Variants in BAZ2B observed in about 807,000 individuals in gnomAD.
BAZ2B encodes the protein bromodomain adjacent to zinc finger domain 2B.
BAZ2B carries 91 observed loss-of-function variants against 246.0 expected under a neutral mutation model. The observed-to-expected ratio is 0.37, with a 90% CI of 0.31 to 0.44. The LOEUF is 0.44. Among genes scored for constraint, BAZ2B ranks in the 20% least tolerant of loss-of-function variants. The pLI is 1.00. For missense variants in BAZ2B, 2,332 were observed against 2,533.7 expected, an observed-to-expected ratio of 0.92 and a Z score of 1.71; for synonymous variants, 855 against 860.0, an observed-to-expected ratio of 0.99 and a Z score of 0.10.
chr2:159,387,975 T>C (rs2062835100), intron 21 of BAZ2B, among the ~76,000 whole-genome samples: 1 of 152,078 alleles, frequency 6.6e-6, no homozygotes, highest in Admixed American at 6.6e-5. Context: ...TATAGTTCAA[T>C]CCATTCTAGA....
chr2:159,552,301 G>A (rs2088378047), intron 2 of BAZ2B, among the ~76,000 whole-genome samples: 1 of 152,024 alleles, frequency 6.6e-6, no homozygotes, highest in Non-Finnish European at 1.5e-5. Flanking sequence ...ACATAATGTA[G>A]AAATCTATTT....
the BAZ2B span, among the ~76,000 whole-genome samples, chr2:159,707,795 C>G: frequency 3.3e-5 from 5 of 152,130 alleles, no homozygotes; most frequent in East Asian, 9.7e-4. Context: ...CTATTGCACT[C>G]CAGCCTGGGC....
chr2:159,547,911 T>C (rs1294688035), intron 2 of BAZ2B, among the ~76,000 whole-genome samples: 2 of 152,194 alleles, frequency 1.3e-5, no homozygotes, highest in East Asian at 1.9e-4. Context: ...TAAACTTATA[T>C]CTGTGCAGCA....
intron 3 of BAZ2B, among the ~76,000 whole-genome samples, chr2:159,478,052 C>T (rs555336066): frequency 3.3e-5 from 5 of 152,322 alleles, no homozygotes; most frequent in African/African-American, 1.2e-4. Context: ...GAACTCCTGA[C>T]CGCAGCTTCC....
intron 31 of BAZ2B, among the ~76,000 whole-genome samples, chr2:159,344,938 A>G (rs987429749): frequency 6.6e-6 from 1 of 152,102 alleles, no homozygotes; most frequent in Admixed American, 6.5e-5. Context: ...GGCTGGGCGC[A>G]GTGGCTCACA....
At chr2:159,617,478 T>C (rs549652478), upstream of BAZ2B, among the ~76,000 whole-genome samples, 24 of 152,276 alleles carry the variant, frequency 1.6e-4, no homozygotes, top group South Asian at 4.1e-3. Context: ...ACGTATTTTT[T>C]TTTTTAGAAG....
chr2:159,528,679 C>T, intron 2 of BAZ2B, among the ~76,000 whole-genome samples: 1 of 137,734 alleles, frequency 7.3e-6, no homozygotes, highest in Admixed American at 7.3e-5. Context: ...GAAACTCTGT[C>T]TCAAAAAAAA....
At chr2:159,415,190 T>C (rs966407162) in intron 13 of BAZ2B, among the ~76,000 whole-genome samples, 2 of 152,112 alleles carry the variant, frequency 1.3e-5, no homozygotes, top group African/African-American at 2.4e-5. Context: ...CTCATGCCTA[T>C]AACACCAGCA....
intron 2 of BAZ2B, among the ~76,000 whole-genome samples, chr2:159,517,343 GA>G (rs2083539477): frequency 6.7e-6 from 1 of 150,356 alleles, no homozygotes; most frequent in Non-Finnish European, 1.5e-5. Context: ...TTCACTCTCT[GA>G]AATTTTTAGT....
At chr2:159,343,735 GA>G (rs912950508) in intron 31 of BAZ2B, among the ~76,000 whole-genome samples, 2 of 144,326 alleles carry the variant, frequency 1.4e-5, no homozygotes, top group Non-Finnish European at 3.1e-5. Context: ...TTATCAAAAA[GA>G]AAAAAAACGG....
At chr2:159,609,806 TAA>T (rs5835754) in intron 1 of BAZ2B, among the ~76,000 whole-genome samples, 2,214 of 143,222 alleles carry the variant, frequency 0.015, 31 homozygotes, top group African/African-American at 0.033. Flanking sequence ...GGTAGATCAA[TAA>T]AAAAAAAAAA....
At chr2:159,660,575 G>A in the BAZ2B span, among the ~76,000 whole-genome samples, 2 of 152,110 alleles carry the variant, frequency 1.3e-5, no homozygotes, top group African/African-American at 4.8e-5. Context: ...CCCATAAGCA[G>A]TGTACAAGGG....
At chr2:159,637,837 T>C in the BAZ2B span, among the ~76,000 whole-genome samples, 140,614 of 152,296 alleles carry the variant, frequency 0.92, 65,415 homozygotes, top group East Asian at 1. Context: ...GTTAGGATTA[T>C]ATGTGTGAGC....
chr2:159,570,467 C>T (rs1683724017), intron 1 of BAZ2B, among the ~76,000 whole-genome samples: 1 of 152,216 alleles, frequency 6.6e-6, no homozygotes, highest in South Asian at 2.1e-4. Context: ...AGGCGTAAGC[C>T]ACTGCGCCCG....
chr2:159,434,048 T>C (rs10177086), intron 8 of BAZ2B: 68,994 of 152,054 alleles, frequency 0.45, 16,971 homozygotes, highest in Middle Eastern at 0.57. Flanking sequence ...CCAGGAGCTG[T>C]GGCTCACTGC....
At position 159,432,821 on chromosome 2, in the gene BAZ2B, CTCT is replaced by C; in HGVS notation, c.1833_1835del (p.Glu613del). The C allele has an allele frequency of 1.9e-6, 3 of 1,613,980 alleles. No homozygotes were observed. Among genetic ancestry groups the C allele is most frequent in the Non-Finnish European group, 2.5e-6 (3 of 1,179,910 alleles). On this transcript the variant is annotated inframe_deletion, in exon 9 of 37. Coordinates refer to ENST00000392783, the MANE Select transcript of BAZ2B (RefSeq NM_013450.4). ...CCTCATCTTCTTCTTCATCATCTTC[CTCT>C]TCATCCTCATTTGAATCTTCAGAAT... is the stretch of plus-strand genomic sequence containing the variant.
At chr2:159,598,311 T>C (rs1199745125) in intron 1 of BAZ2B, among the ~76,000 whole-genome samples, 2 of 152,020 alleles carry the variant, frequency 1.3e-5, no homozygotes, top group Non-Finnish European at 1.5e-5. Flanking sequence ...TTTCACCTCA[T>C]AAAAAAAGAG....
the BAZ2B span, among the ~76,000 whole-genome samples, chr2:159,633,906 AT>A: frequency 6.6e-6 from 1 of 151,888 alleles, no homozygotes; most frequent in Non-Finnish European, 1.5e-5. Flanking sequence ...CATCCAGCTG[AT>A]TTTTGTATAT....
intron 3 of BAZ2B, chr2:159,462,984 C>A: frequency 1.1e-6 from 1 of 891,694 alleles, no homozygotes; most frequent in Non-Finnish European, 1.9e-6. Context: ...AATTTTGTTT[C>A]TTGGATCTAA....
Sources: gnomAD v4.1 joint callset for allele counts (sites outside exome capture counted in the v4.1 genomes callset) on GRCh38, gnomAD v4.1.1 for gene constraint, MANE v1.5 for transcripts, NCBI Gene and HGNC (gene_info 2026-07-23, HGNC 2026-07-21) for gene names.